Variants in HCK observed in about 807,000 individuals in gnomAD.
HCK encodes HCK proto-oncogene, Src family tyrosine kinase, also known as tyrosine-protein kinase HCK.
Under a neutral mutation model 70.4 loss-of-function variants are expected in HCK, and 40 were observed. The observed-to-expected ratio is 0.57, with a 90% CI of 0.44 to 0.74. The LOEUF (loss-of-function observed/expected upper bound fraction) is 0.74. HCK is among the 30% of genes least tolerant of loss of function. The probability of loss-of-function intolerance (pLI) is 0.00; values close to 1 mark genes in which losing one functional copy is unlikely to be tolerated. For synonymous variants in HCK, 245 were observed against 263.2 expected, an observed-to-expected ratio of 0.93 and a Z score of 0.67; for missense variants, 568 against 697.2, an observed-to-expected ratio of 0.81 and a Z score of 2.09.
intron 10 of HCK, among the ~76,000 whole-genome samples, chr20:32,090,214 C>G (rs913360106): frequency 1.3e-5 from 2 of 152,216 alleles, no homozygotes; most frequent in Admixed American, 6.5e-5. Flanking sequence ...GGGCAGCAGT[C>G]ACCGACCAGG....
intron 1 of HCK, among the ~76,000 whole-genome samples, chr20:32,069,404 G>A (rs1259128506): frequency 2.0e-5 from 3 of 152,202 alleles, no homozygotes; most frequent in African/African-American, 7.2e-5. Flanking sequence ...GCCCAGAGAG[G>A]TAGAGTGAGC....
chr20:32,083,838 C>A, intron 6 of HCK, 56 bp from the exon 7 acceptor site: 1 of 1,600,644 alleles, frequency 6.2e-7, no homozygotes, highest in South Asian at 1.1e-5. Context: ...AGTGCTAATG[C>A]AAGGTGGCAG....
intron 11 of HCK, 138 bp from the exon 12 acceptor site, chr20:32,098,866 A>T: frequency 1.1e-6 from 1 of 877,218 alleles, no homozygotes; most frequent in Non-Finnish European, 1.8e-6. Context: ...TTCCACAGGG[A>T]GGCCACGTAT....
chr20:32,066,837 C>CT (rs1305406921), intron 1 of HCK, among the ~76,000 whole-genome samples: 2 of 152,106 alleles, frequency 1.3e-5, no homozygotes, highest in Non-Finnish European at 2.9e-5. Flanking sequence ...TAATCTTTCC[C>CT]TTCTATATGG....
chr20:32,062,494 G>A (rs2045394689), intron 1 of HCK, among the ~76,000 whole-genome samples: 1 of 152,154 alleles, frequency 6.6e-6, no homozygotes, highest in South Asian at 2.1e-4. Flanking sequence ...AGGCATCTCA[G>A]AGCCAGCCCT....
At chr20:32,096,797 C>T (rs886665725) in intron 11 of HCK, among the ~76,000 whole-genome samples, 3 of 152,104 alleles carry the variant, frequency 2.0e-5, no homozygotes, top group African/African-American at 7.2e-5. Flanking sequence ...CCACTATGCA[C>T]AGGCTGCAGT....
intron 10 of HCK, among the ~76,000 whole-genome samples, chr20:32,093,134 G>A (rs946295508): frequency 1.3e-5 from 2 of 152,038 alleles, no homozygotes; most frequent in South Asian, 2.1e-4. Context: ...TAGTAGAGAC[G>A]GGGTTTCGCC....
chr20:32,077,920 A>C (rs1229445062), intron 5 of HCK, among the ~76,000 whole-genome samples: 1 of 152,180 alleles, frequency 6.6e-6, no homozygotes, highest in Non-Finnish European at 1.5e-5. Context: ...AGTTGTTTCC[A>C]GTCATGTACT....
In HCK at chr20:32,101,500, A is replaced by T; in HGVS notation, c.1562A>T (p.Gln521Leu). 6.2e-7 allele frequency: 1 copy of T among 1,613,260 alleles called. No individual in the cohort carries two copies. Among genetic ancestry groups the T allele is most frequent in the South Asian group, 1.1e-5 (1 of 90,934 alleles). Residue 521 changes from glutamine to leucine, a missense_variant, in exon 13 of 13, where the codon CAG becomes CTG. Physicochemically the swap from Gln to Leu is moderately radical, Grantham distance 113 (BLOSUM62 -2). Coordinates refer to ENST00000375852, the MANE Select transcript of HCK (RefSeq NM_002110.5). ...GACTTCTACACGGCCACAGAGAGCC[A>T]GTACCAACAGCAGCCATGATAGGGA...
At chr20:32,072,179 G>A (rs2045550403) in intron 2 of HCK, 1 of 185,516 alleles carries the variant, frequency 5.4e-6, no homozygotes, top group Non-Finnish European at 1.1e-5. Flanking sequence ...CATACTAATA[G>A]TACCAACCAT....
intron 1 of HCK, among the ~76,000 whole-genome samples, chr20:32,058,214 C>T (rs774398584): frequency 1.1e-5 from 1 of 87,746 alleles, no homozygotes; most frequent in Non-Finnish European, 2.3e-5. Flanking sequence ...CCTTTCTGAG[C>T]CTCAGTTCCC....
At chr20:32,085,533 A>G (rs987903217) in intron 8 of HCK, among the ~76,000 whole-genome samples, 1 of 152,172 alleles carries the variant, frequency 6.6e-6, no homozygotes, top group African/African-American at 2.4e-5. Context: ...AATAAAATTA[A>G]AAAGAATTTG....
At chr20:32,075,307 C>A (rs1433339610) in intron 5 of HCK, among the ~76,000 whole-genome samples, 1 of 152,174 alleles carries the variant, frequency 6.6e-6, no homozygotes, top group Non-Finnish European at 1.5e-5. Flanking sequence ...GATCCTCCCA[C>A]CTCAGCCTCC....
chr20:32,073,102 A>T (rs993148527), intron 2 of HCK, among the ~76,000 whole-genome samples: 1 of 152,200 alleles, frequency 6.6e-6, no homozygotes. Context: ...TCCATCTCAA[A>T]CAACAGCAAC....
intron 10 of HCK, among the ~76,000 whole-genome samples, chr20:32,091,708 G>C (rs913686783): frequency 2.0e-5 from 3 of 151,746 alleles, no homozygotes; most frequent in Admixed American, 6.6e-5. Context: ...GGTCTCCCTT[G>C]GGCATGACAG....
At chr20:32,070,912 G>C (rs962702216) in intron 1 of HCK, among the ~76,000 whole-genome samples, 1 of 145,528 alleles carries the variant, frequency 6.9e-6, no homozygotes, top group African/African-American at 2.6e-5. Flanking sequence ...AGGGAGGACA[G>C]AGGAGGGGGA....
At chr20:32,052,581 G>C (rs903849674) in intron 1 of HCK, 95 bp downstream of exon 1, 2 of 938,562 alleles carry the variant, frequency 2.1e-6, no homozygotes, top group African/African-American at 3.4e-5. Context: ...CTGGCTACGG[G>C]TGCGGCTGGG....
chr20:32,068,080 T>C (rs551427937), intron 1 of HCK, among the ~76,000 whole-genome samples: 42 of 152,220 alleles, frequency 2.8e-4, no homozygotes, highest in African/African-American at 9.1e-4. Flanking sequence ...ACGGATCACC[T>C]GAGGTTGGGA....
At chr20:32,059,409 T>C (rs6121329) in intron 1 of HCK, among the ~76,000 whole-genome samples, 4 of 86,854 alleles carry the variant, frequency 4.6e-5, no homozygotes, top group Non-Finnish European at 1.0e-4. Context: ...CCTTTCTTCT[T>C]TCTCTCTCTC....
Sources: allele counts gnomAD v4.1 joint callset (sites outside exome capture counted in the v4.1 genomes callset), GRCh38; gene constraint gnomAD v4.1.1; transcripts MANE v1.5; gene names NCBI Gene and HGNC (gene_info 2026-07-23, HGNC 2026-07-21).